SDCCAG8: variants seen among roughly 807,000 people sequenced by gnomAD.
The protein encoded by SDCCAG8 is SHH signaling and ciliogenesis regulator SDCCAG8.
SDCCAG8 carries 74 observed loss-of-function variants against 101.8 expected under a neutral mutation model. The ratio of observed to expected loss-of-function variants is 0.73; its 90% CI spans 0.60 to 0.88. The LOEUF (loss-of-function observed/expected upper bound fraction) is 0.88. Ranked by LOEUF, SDCCAG8 falls within the 40% of genes least tolerant of loss-of-function variation. The pLI, the probability that SDCCAG8 is intolerant of heterozygous loss-of-function variation, is 0.00. For synonymous variants in SDCCAG8, 281 were observed against 292.9 expected (o/e 0.96, Z 0.41); for missense variants, 787 against 822.6 (o/e 0.96, Z 0.53).
chr1:243,497,585 A>G (rs920405824), intron 17 of SDCCAG8, among the ~76,000 whole-genome samples: 10 of 152,110 alleles, frequency 6.6e-5, no homozygotes, highest in African/African-American at 2.2e-4. Context: ...ATAGTGATAA[A>G]TTGCTAGGTG....
intron 17 of SDCCAG8, among the ~76,000 whole-genome samples, chr1:243,493,133 C>G (rs951808921): frequency 6.6e-6 from 1 of 151,002 alleles, no homozygotes; most frequent in Non-Finnish European, 1.5e-5. Flanking sequence ...CACACCCTGG[C>G]CTGTCTTTTG....
At chr1:243,400,758 A>G (rs2079336840) in intron 13 of SDCCAG8, among the ~76,000 whole-genome samples, 1 of 152,222 alleles carries the variant, frequency 6.6e-6, no homozygotes, top group Non-Finnish European at 1.5e-5. Flanking sequence ...CTTTTAAAGC[A>G]TGACTCTGAA....
At chr1:243,441,872 T>C (rs187128431) in intron 16 of SDCCAG8, among the ~76,000 whole-genome samples, 16 of 152,320 alleles carry the variant, frequency 1.1e-4, no homozygotes, top group Admixed American at 5.9e-4. Context: ...TTTAACATCA[T>C]AGAAATTCAT....
intron 12 of SDCCAG8, among the ~76,000 whole-genome samples, chr1:243,378,322 C>T (rs541614583): frequency 1.3e-5 from 2 of 151,924 alleles, no homozygotes; most frequent in East Asian, 3.9e-4. Context: ...ATAAATTTAT[C>T]TTTTAGAATA....
In SDCCAG8 at chr1:243,292,987, G is replaced by A. The variant is rs4658555; in HGVS notation, c.547-104G>A. ...CTTGACCTGTAGTGTAGAAGCATATGCTTTTTCTTTTCATCATAGGTAAGA... is the reference window on the plus strand; with the variant it reads ...CTTGACCTGTAGTGTAGAAGCATATACTTTTTCTTTTCATCATAGGTAAGA... On this transcript the variant is annotated intron_variant, in intron 5 of 17. Transcript: ENST00000366541. 4,863 of 1,341,178 alleles carry A rather than the reference G, an allele frequency of 3.6e-3. 54 individuals carry two copies. Among genetic ancestry groups the A allele is most frequent in the East Asian group, 0.033 (1,382 of 42,158 alleles). The allele number at this position is 1,341,178 out of a possible 1,614,324, so 83.1% of individuals were successfully genotyped here. A position where few individuals can be genotyped will look rare whatever the true frequency, so the allele number is the denominator to read the frequency against.
intron 16 of SDCCAG8, among the ~76,000 whole-genome samples, chr1:243,463,642 A>G (rs1040474320): frequency 6.6e-6 from 1 of 152,214 alleles, no homozygotes; most frequent in Non-Finnish European, 1.5e-5. Flanking sequence ...GAGGGAAAAA[A>G]TAATATATGT....
chr1:243,313,658 A>G (rs1189663432), intron 8 of SDCCAG8, among the ~76,000 whole-genome samples: 2 of 152,206 alleles, frequency 1.3e-5, no homozygotes, highest in African/African-American at 4.8e-5. Flanking sequence ...CCAAGCACTC[A>G]TAGAACATTT....
chr1:243,488,568 G>C lies in SDCCAG8; in HGVS notation c.1986-446G>C, dbSNP rs1367639159. ...CATCTGGTCAGCGATGCCGGAGCTC[G>C]TGATTGACTGAGTGATTAATAATGG... On this transcript the variant is annotated intron_variant, in intron 16 of 17. Transcript: ENST00000366541. 5 of 217,576 alleles carry C rather than the reference G, an allele frequency of 2.3e-5. No homozygotes were observed. In the East Asian group the frequency reaches 5.8e-4, roughly 25 times the overall value. 13.5% of individuals were successfully genotyped at this position (217,576 alleles called of 1,614,324 possible).
intron 10 of SDCCAG8, among the ~76,000 whole-genome samples, chr1:243,339,690 AG>A (rs894732492): frequency 1.3e-5 from 2 of 152,188 alleles, no homozygotes; most frequent in Non-Finnish European, 2.9e-5. Flanking sequence ...CTAGTTCTGT[AG>A]TTCGAAGGCA....
At chr1:243,282,187 A>C (rs77057915) in intron 4 of SDCCAG8, among the ~76,000 whole-genome samples, 1 of 151,710 alleles carries the variant, frequency 6.6e-6, no homozygotes, top group Non-Finnish European at 1.5e-5. Flanking sequence ...TCACATATCA[A>C]TTGATCAATT....
intron 17 of SDCCAG8, among the ~76,000 whole-genome samples, chr1:243,496,832 G>A (rs1399698298): frequency 1.3e-5 from 2 of 152,268 alleles, no homozygotes; most frequent in African/African-American, 2.4e-5. Context: ...GTGGAGAGAT[G>A]ACTCCGATAG....
At chr1:243,395,983 A>C (rs1437593261) in intron 13 of SDCCAG8, among the ~76,000 whole-genome samples, 1 of 152,150 alleles carries the variant, frequency 6.6e-6, no homozygotes, top group Non-Finnish European at 1.5e-5. Context: ...ATATAAAAGC[A>C]GCCTTATGAA....
rs1186473875 is a variant in SDCCAG8, at chr1:243,381,452, A to T, written c.1616+2589A>T. Among the ~76,000 whole-genome samples, 3 of 152,112 alleles carry T rather than the reference A, an allele frequency of 2.0e-5. No individual in the cohort carries two copies. The East Asian group carries it at 5.8e-4, about 29-fold the overall frequency. Reference sequence around the variant, plus strand: ...AAAAAACAAAAAATATTAGTCAGGCATGGTGGTGCACCTATAGACCCAGCT... The same window carrying T: ...AAAAAACAAAAAATATTAGTCAGGCTTGGTGGTGCACCTATAGACCCAGCT... On this transcript the variant is annotated intron_variant, in intron 13 of 17. Transcript: ENST00000366541.
chr1:243,316,061 T>C (rs2073204620), intron 8 of SDCCAG8, among the ~76,000 whole-genome samples: 1 of 152,250 alleles, frequency 6.6e-6, no homozygotes, highest in Admixed American at 6.5e-5. Flanking sequence ...TTTGGTTCAC[T>C]TCTACTCCCA....
intron 1 of SDCCAG8, among the ~76,000 whole-genome samples, chr1:243,258,052 A>AGAAT (rs1291331664): frequency 6.6e-6 from 1 of 152,226 alleles, no homozygotes; most frequent in African/African-American, 2.4e-5. Context: ...CAATAATTAC[A>AGAAT]GAATGAAGGG....
chr1:243,269,811 C>T (rs1429464620), intron 1 of SDCCAG8, among the ~76,000 whole-genome samples: 3 of 152,032 alleles, frequency 2.0e-5, no homozygotes, highest in African/African-American at 7.2e-5. Context: ...TTAATGGGAG[C>T]TGGTGGGAAG....
chr1:243,439,469 C>G (rs2082377968), intron 16 of SDCCAG8, among the ~76,000 whole-genome samples: 1 of 152,018 alleles, frequency 6.6e-6, no homozygotes, highest in Admixed American at 6.6e-5. Flanking sequence ...ACTAAAAATA[C>G]AAAAAATTAA....
At chr1:243,381,333 C>T (rs1201995015) in intron 13 of SDCCAG8, among the ~76,000 whole-genome samples, 1 of 152,102 alleles carries the variant, frequency 6.6e-6, no homozygotes, top group Non-Finnish European at 1.5e-5. Context: ...TCACACCTGT[C>T]ATTCCAACAC....
intron 13 of SDCCAG8, among the ~76,000 whole-genome samples, chr1:243,385,361 G>A (rs1445037846): frequency 1.3e-5 from 2 of 152,186 alleles, no homozygotes; most frequent in African/African-American, 4.8e-5. Context: ...CTGCACTCCA[G>A]CCTGGGCAAC....
Sources: gnomAD v4.1 joint callset for allele counts (sites outside exome capture counted in the v4.1 genomes callset) on GRCh38, gnomAD v4.1.1 for gene constraint, MANE v1.5 for transcripts, NCBI Gene and HGNC (gene_info 2026-07-23, HGNC 2026-07-21) for gene names.